The following RNF6 variants were observed in gnomAD, a reference collection of about 807,000 sequenced individuals.
RNF6 encodes the protein E3 ubiquitin-protein ligase RNF6.
Under a neutral mutation model 50.1 loss-of-function variants are expected in RNF6, and 21 were observed. The observed-to-expected ratio is 0.42, with a 90% CI of 0.30 to 0.60. RNF6 has a LOEUF of 0.60. Among genes scored for constraint, RNF6 ranks in the 20% least tolerant of loss-of-function variants. RNF6 has a pLI of 0.20. For missense variants in RNF6, 698 were observed against 838.2 expected (o/e 0.83, Z 2.07); for synonymous variants, 255 against 291.8 (o/e 0.87, Z 1.29).
intron 5 of RNF6, among the ~76,000 whole-genome samples, chr13:26,169,369 A>G (rs186550735): frequency 2.2e-3 from 330 of 152,144 alleles, no homozygotes; most frequent in Non-Finnish European, 3.7e-3. Context: ...GGGGAGATCC[A>G]CCTGAGAGTG....
chr13:26,185,305 G>T (rs1275475572), intron 5 of RNF6, among the ~76,000 whole-genome samples: 2 of 151,942 alleles, frequency 1.3e-5, no homozygotes, highest in Non-Finnish European at 2.9e-5. Flanking sequence ...CCCGACCAAG[G>T]TATTATTTTT....
intron 5 of RNF6, among the ~76,000 whole-genome samples, chr13:26,156,048 T>C (rs929102847): frequency 1.1e-4 from 17 of 152,162 alleles, no homozygotes; most frequent in African/African-American, 1.9e-4. Context: ...ATATACATTA[T>C]ATATAGTAAA....
intron 5 of RNF6, among the ~76,000 whole-genome samples, chr13:26,183,577 T>C (rs1873341088): frequency 6.6e-6 from 1 of 152,168 alleles, no homozygotes; most frequent in African/African-American, 2.4e-5. Flanking sequence ...TGTGAGCAAC[T>C]TGAAGGTAGG....
intron 5 of RNF6, among the ~76,000 whole-genome samples, chr13:26,185,791 T>C (rs1370505509): frequency 6.6e-6 from 1 of 152,222 alleles, no homozygotes; most frequent in Non-Finnish European, 1.5e-5. Flanking sequence ...AACAGAAGTG[T>C]AGAGGCCATG....
intron 5 of RNF6, among the ~76,000 whole-genome samples, chr13:26,162,019 A>AT (rs1372088744): frequency 1.3e-5 from 2 of 152,156 alleles, no homozygotes; most frequent in Non-Finnish European, 2.9e-5. Flanking sequence ...TATTATTTAT[A>AT]TTTTTTATCT....
intron 5 of RNF6, among the ~76,000 whole-genome samples, chr13:26,200,465 A>G (rs1733808900): frequency 6.9e-6 from 1 of 145,888 alleles, no homozygotes; most frequent in South Asian, 2.1e-4. Flanking sequence ...TCTGGAGTGC[A>G]ATGGCACAAT....
intron 5 of RNF6, among the ~76,000 whole-genome samples, chr13:26,146,591 C>G (rs999687574): frequency 1.3e-5 from 2 of 152,176 alleles, no homozygotes; most frequent in African/African-American, 2.4e-5. Context: ...CAGATACACT[C>G]TAGCATCAAA....
downstream of RNF6, chr13:26,212,767 A>G (rs1055362984): frequency 6.6e-6 from 1 of 151,600 alleles, no homozygotes; most frequent in Non-Finnish European, 1.5e-5. Flanking sequence ...CATAGTTCAC[A>G]TACAGTCTTT....
At chr13:26,139,990 C>T (rs1870851076) in intron 5 of RNF6, among the ~76,000 whole-genome samples, 1 of 152,028 alleles carries the variant, frequency 6.6e-6, no homozygotes, top group Non-Finnish European at 1.5e-5. Flanking sequence ...ATGAACCTGA[C>T]CTTATTTCAC....
chr13:26,215,034 T>C lies in RNF6; in HGVS notation c.848A>G (p.Asn283Ser). The C allele has an allele frequency of 1.2e-6, 2 of 1,614,204 alleles. No homozygotes were observed. Among genetic ancestry groups the C allele is most frequent in the South Asian group, 1.1e-5 (1 of 91,086 alleles). ...CACTGTAACATTACTTCTAGCCCCA[T>C]TTTCCCAAACATGTGCTGCTCCAAA... ...QRFGAAHVWE[N>S]GARSNVTVRN... is the part of the protein sequence containing the mutation. Residue 283 changes from asparagine (N) to serine (S), a missense_variant, in exon 5 of 5, where the codon AAT (asparagine) becomes AGT (serine). Physicochemically the swap from Asn to Ser is conservative, Grantham distance 46. Coordinates refer to ENST00000381588, the MANE Select transcript of RNF6 (RefSeq NM_005977.4).
At chr13:26,132,207 A>G in exon 6 of RNF6, 1 of 258,096 alleles carries the variant, frequency 3.9e-6, no homozygotes, top group South Asian at 4.5e-5. Context: ...TTTCAAAGCC[A>G]AGTACAATAT....
At chr13:26,132,861 G>A (rs1443180143) in intron 5 of RNF6, among the ~76,000 whole-genome samples, 1 of 152,104 alleles carries the variant, frequency 6.6e-6, no homozygotes, top group Non-Finnish European at 1.5e-5. Flanking sequence ...TCACCAAAAG[G>A]TCTTGTTAAA....
At chr13:26,151,266 CTT>C (rs879629924) in intron 5 of RNF6, among the ~76,000 whole-genome samples, 1 of 147,046 alleles carries the variant, frequency 6.8e-6, no homozygotes. Flanking sequence ...GGTCTGATAT[CTT>C]TTTTTTTTTT....
chr13:26,209,837 G>C (rs1443649129), downstream of RNF6, among the ~76,000 whole-genome samples: 4 of 150,976 alleles, frequency 2.6e-5, no homozygotes, highest in Non-Finnish European at 5.9e-5. Context: ...CTTCAAATGA[G>C]ACATTAACAC....
At chr13:26,181,560 T>C (rs1873245927) in intron 5 of RNF6, among the ~76,000 whole-genome samples, 1 of 152,122 alleles carries the variant, frequency 6.6e-6, no homozygotes, top group East Asian at 1.9e-4. Flanking sequence ...CAAAAGATGG[T>C]CAACCCAGTG....
intron 5 of RNF6, among the ~76,000 whole-genome samples, chr13:26,161,427 C>A (rs1012212573): frequency 6.6e-6 from 1 of 152,170 alleles, no homozygotes; most frequent in African/African-American, 2.4e-5. Flanking sequence ...TTGACCTTCA[C>A]ACTGTTGACT....
chr13:26,141,583 G>A (rs1049313648), intron 5 of RNF6, among the ~76,000 whole-genome samples: 3 of 151,952 alleles, frequency 2.0e-5, no homozygotes, highest in Admixed American at 6.6e-5. Flanking sequence ...GCAGCATATC[G>A]ACAACCAATT....
chr13:26,161,138 T>TA (rs1039473182), intron 5 of RNF6, among the ~76,000 whole-genome samples: 4 of 152,216 alleles, frequency 2.6e-5, no homozygotes, highest in African/African-American at 9.6e-5. Flanking sequence ...AATCTCATAA[T>TA]AAAAGTGAAT....
chr13:26,186,395 C>T (rs1873528247), intron 5 of RNF6, among the ~76,000 whole-genome samples: 1 of 152,234 alleles, frequency 6.6e-6, no homozygotes, highest in Non-Finnish European at 1.5e-5. Flanking sequence ...GCGGCAGGAA[C>T]GCGCTCGTTG....
Sources: allele counts gnomAD v4.1 joint callset (sites outside exome capture counted in the v4.1 genomes callset), GRCh38; gene constraint gnomAD v4.1.1; transcripts MANE v1.5; gene names NCBI Gene and HGNC (gene_info 2026-07-23, HGNC 2026-07-21).